ARHGEF11: variants seen among roughly 807,000 people sequenced by gnomAD.
ARHGEF11 encodes the protein Rho guanine exchange factor (GEF) 11.
Under a neutral mutation model 193.7 loss-of-function variants are expected in ARHGEF11, and 55 were observed. The observed-to-expected ratio is 0.28, with a 90% CI of 0.23 to 0.36. The LOEUF is 0.36. Among genes scored for constraint, ARHGEF11 ranks in the 10% least tolerant of loss-of-function variants. ARHGEF11 has a pLI of 1.00. For missense variants in ARHGEF11, 1,723 were observed against 2,005.6 expected (o/e 0.86, Z 2.69); for synonymous variants, 693 against 768.0 (o/e 0.90, Z 1.62).
At position 156,990,631 on chromosome 1, in the gene ARHGEF11, G is replaced by A. The variant is rs149420700; in HGVS notation, c.33-4458C>T. ...AATGTCATCTCATCCCTTTTCTGGA[G>A]TAGTGCTATGAACTCACAGATCCTG... On this transcript the variant is annotated intron_variant, in intron 1 of 40. Coordinates refer to ENST00000368194, the MANE Select transcript of ARHGEF11 (RefSeq NM_198236.3). 3.4e-4 allele frequency among the ~76,000 whole-genome samples: 52 copies of A among 152,240 alleles called. 1 individual carries two copies. In the East Asian group the frequency reaches 9.4e-3, roughly 28 times the overall value.
At chr1:157,022,421 T>C (rs546061463) in intron 1 of ARHGEF11, among the ~76,000 whole-genome samples, 8 of 152,232 alleles carry the variant, frequency 5.3e-5, no homozygotes, top group African/African-American at 1.9e-4. Context: ...ACAATTCCAT[T>C]CACAATAGCA....
At chr1:156,976,899 T>C in intron 7 of ARHGEF11, 84 bp downstream of exon 7, 1 of 1,250,276 alleles carries the variant, frequency 8.0e-7, no homozygotes, top group South Asian at 1.2e-5. Flanking sequence ...GCCTGTAAAT[T>C]AAGTTGTGTA....
In ARHGEF11 at chr1:156,936,923, T is replaced by A; in HGVS notation, c.4523A>T (p.His1508Leu). Residue 1508 changes from histidine to leucine, a missense_variant, in exon 40 of 41, where the codon CAC becomes CTC. His to Leu is a moderately conservative substitution (Grantham distance 99). Transcript: ENST00000368194. ...SGGTTPVGSF[H>L]TEAARWTDGS... is the part of the protein sequence containing the mutation. ...ATCTGTCCATCTAGCTGCTTCTGTG[T>A]GGAAACTGCCCACAGGCGTGGTGCC... The A allele has an allele frequency of 6.2e-7, 1 of 1,614,008 alleles. No individual in the cohort carries two copies. The highest frequency in any genetic ancestry group is 8.5e-7 in the Non-Finnish European group (1 of 1,180,010).
intron 22 of ARHGEF11, 39 bp downstream of exon 22, chr1:156,951,534 T>C: frequency 6.2e-7 from 1 of 1,610,976 alleles, no homozygotes; most frequent in Admixed American, 1.7e-5. Context: ...CATGACCCAC[T>C]CTTCGAGCAG....
chr1:156,967,795 C>T (rs916918323), intron 11 of ARHGEF11, 192 bp downstream of exon 11: 3 of 653,560 alleles, frequency 4.6e-6, no homozygotes, highest in South Asian at 3.8e-5. Context: ...GCCAGCCTTA[C>T]TTTCATATCT....
At chr1:157,014,728 A>G (rs1369889514) in intron 1 of ARHGEF11, among the ~76,000 whole-genome samples, 1 of 152,096 alleles carries the variant, frequency 6.6e-6, no homozygotes, top group African/African-American at 2.4e-5. Flanking sequence ...TTTCAGTAAG[A>G]TTACCAACAG....
intron 2 of ARHGEF11, chr1:156,985,859 C>G: frequency 2.2e-6 from 1 of 453,074 alleles, no homozygotes; most frequent in Non-Finnish European, 4.0e-6. Context: ...CATTTCTGAC[C>G]TGGGTCAGTT....
chr1:157,007,530 G>C (rs1667973099), intron 1 of ARHGEF11, among the ~76,000 whole-genome samples: 1 of 152,098 alleles, frequency 6.6e-6, no homozygotes, highest in African/African-American at 2.4e-5. Context: ...TTAGTGTAGA[G>C]TGTCTGGCAC....
intron 11 of ARHGEF11, among the ~76,000 whole-genome samples, chr1:156,964,075 C>T (rs140080685): frequency 1.2e-3 from 182 of 152,274 alleles, no homozygotes; most frequent in African/African-American, 3.9e-3. Context: ...AAATAATGAT[C>T]GGAGAGCCTA....
At chr1:156,949,287 C>G (rs957761582) in intron 22 of ARHGEF11, among the ~76,000 whole-genome samples, 36 of 152,156 alleles carry the variant, frequency 2.4e-4, no homozygotes, top group African/African-American at 8.7e-4. Context: ...GTGTCGAGTC[C>G]TGCAGTGCAT....
intron 11 of ARHGEF11, among the ~76,000 whole-genome samples, chr1:156,964,360 G>C (rs909846463): frequency 6.6e-6 from 1 of 152,084 alleles, no homozygotes; most frequent in African/African-American, 2.4e-5. Flanking sequence ...TCTCCTAAAG[G>C]TTCCTTGAGC....
chr1:156,936,491 A>ATATAT (rs1553192701), intron 40 of ARHGEF11, among the ~76,000 whole-genome samples: 21 of 71,376 alleles, frequency 2.9e-4, no homozygotes, highest in African/African-American at 1.0e-3. Flanking sequence ...AAAAAAAAAA[A>ATATAT]AAAAAAATAT....
chr1:156,948,774 G>A lies in ARHGEF11; in HGVS notation c.1926-276C>T. The A allele has an allele frequency of 7.2e-7, 1 of 1,392,412 alleles. No homozygotes were observed. Among genetic ancestry groups the A allele is most frequent in the Non-Finnish European group, 9.4e-7 (1 of 1,065,980 alleles). 86.3% of individuals were successfully genotyped at this position (1,392,412 alleles called of 1,614,324 possible). A position where few individuals can be genotyped will look rare whatever the true frequency, so the allele number is the denominator to read the frequency against. Reference sequence around the variant, plus strand: ...TAGGAAGGGATCCTAACAGGAAGATGAAATCTGGGGCTAACAGACTCTGAG... The same window carrying A: ...TAGGAAGGGATCCTAACAGGAAGATAAAATCTGGGGCTAACAGACTCTGAG... On this transcript the variant is annotated intron_variant, in intron 22 of 40. Coordinates refer to ENST00000368194, the MANE Select transcript of ARHGEF11 (RefSeq NM_198236.3). The surrounding 1 kb of genome is among the most constrained non-coding windows in gnomAD (Gnocchi z 4.2).
At chr1:156,941,118 C>A (rs1006524969) in intron 35 of ARHGEF11, among the ~76,000 whole-genome samples, 1 of 152,102 alleles carries the variant, frequency 6.6e-6, no homozygotes, top group African/African-American at 2.4e-5. Context: ...TCTTCCACAG[C>A]TGATGCCGTC....
chr1:156,955,945 G>A (rs1210259562), intron 19 of ARHGEF11, 146 bp from the exon 20 acceptor site: 8 of 708,722 alleles, frequency 1.1e-5, no homozygotes, highest in South Asian at 3.2e-5. Context: ...AAGCATGTTC[G>A]CCTCTGGCCT....
intron 15 of ARHGEF11, among the ~76,000 whole-genome samples, chr1:156,959,504 A>G (rs1264059609): frequency 6.6e-6 from 1 of 152,158 alleles, no homozygotes; most frequent in Non-Finnish European, 1.5e-5. Context: ...AGCAGCTCAC[A>G]AGGCTAAAAA....
At position 157,007,016 on chromosome 1, in the gene ARHGEF11, AG is replaced by A. The variant is rs146970979; in HGVS notation, c.33-20844del. On this transcript the variant is annotated intron_variant, in intron 1 of 40. Coordinates refer to ENST00000368194, the MANE Select transcript of ARHGEF11 (RefSeq NM_198236.3). ...CTGCATGCTCAGGCAGCACAGAGTT[AG>A]GGGGAGGCGGCAGAGGTACCAGGAC... is the stretch of plus-strand genomic sequence containing the variant. Among the ~76,000 whole-genome samples, 947 of 152,274 alleles carry A rather than the reference AG, an allele frequency of 6.2e-3. 8 individuals are homozygous for A. The highest frequency in any genetic ancestry group is 0.022 in the African/African-American group (908 of 41,546).
At chr1:157,022,985 CATACAT>C (rs777052407) in intron 1 of ARHGEF11, among the ~76,000 whole-genome samples, 62 of 152,228 alleles carry the variant, frequency 4.1e-4, no homozygotes, top group Admixed American at 1.4e-3. Flanking sequence ...TACCTCATAC[CATACAT>C]AAAAATTAAC....
intron 1 of ARHGEF11, among the ~76,000 whole-genome samples, chr1:157,016,798 ATTATTTAT>A (rs148884718): frequency 8.7e-5 from 13 of 149,306 alleles, no homozygotes; most frequent in Middle Eastern, 3.5e-3. Flanking sequence ...TAGAGTTTTT[ATTATTTAT>A]TTATTTATTT....
Sources: gnomAD v4.1 joint callset for allele counts (sites outside exome capture counted in the v4.1 genomes callset) on GRCh38, gnomAD v4.1.1 for gene constraint, Gnocchi (gnomAD v3.1) non-coding constraint, MANE v1.5 for transcripts, NCBI Gene and HGNC (gene_info 2026-07-23, HGNC 2026-07-21) for gene names.